RANBP2: variants seen among roughly 807,000 people sequenced by gnomAD.
The protein encoded by RANBP2 is RAN binding protein 2.
RANBP2 carries 57 observed loss-of-function variants against 303.6 expected under a neutral mutation model. The observed-to-expected ratio is 0.19, with a 90% confidence interval of 0.15 to 0.23. RANBP2 has a LOEUF of 0.23. Among genes scored for constraint, RANBP2 ranks in the 10% least tolerant of loss-of-function variants. RANBP2 has a pLI of 1.00. For synonymous variants in RANBP2, 1,167 were observed against 1,301.5 expected, an observed-to-expected ratio of 0.90 and a Z score of 2.23; for missense variants, 3,138 against 3,780.8, an observed-to-expected ratio of 0.83 and a Z score of 4.46.
At chr2:109,015,584 C>T in the RANBP2 span, among the ~76,000 whole-genome samples, 1 of 151,868 alleles carries the variant, frequency 6.6e-6, no homozygotes, top group African/African-American at 2.4e-5. Flanking sequence ...TTGGTGAAAC[C>T]CTGCCTTTAC....
chr2:109,045,495 G>A, the RANBP2 span, among the ~76,000 whole-genome samples: 1 of 152,150 alleles, frequency 6.6e-6, no homozygotes, highest in South Asian at 2.1e-4. Flanking sequence ...GAGACTGGAG[G>A]GTTAGGACAG....
At chr2:109,321,784 A>G in the RANBP2 span, among the ~76,000 whole-genome samples, 1 of 152,158 alleles carries the variant, frequency 6.6e-6, no homozygotes, top group Admixed American at 6.5e-5. Flanking sequence ...TGCTAGAGAG[A>G]TGTGTTCGCG....
chr2:109,415,673 C>A, the RANBP2 span, among the ~76,000 whole-genome samples: 2 of 152,158 alleles, frequency 1.3e-5, no homozygotes, highest in African/African-American at 4.8e-5. Flanking sequence ...AGAACACTCT[C>A]AGGAGGCCCC....
chr2:109,054,785 G>A, the RANBP2 span, among the ~76,000 whole-genome samples: 3 of 151,720 alleles, frequency 2.0e-5, no homozygotes, highest in East Asian at 1.9e-4. Context: ...GACGTGGAGC[G>A]TTCCCATCAC....
At chr2:109,085,465 C>T in the RANBP2 span, among the ~76,000 whole-genome samples, 14 of 147,086 alleles carry the variant, frequency 9.5e-5, no homozygotes, top group Middle Eastern at 3.9e-3. Flanking sequence ...CACCACGCCT[C>T]GCTAATTTTT....
chr2:109,713,910 C>A, the RANBP2 span, among the ~76,000 whole-genome samples: 4 of 152,200 alleles, frequency 2.6e-5, no homozygotes. Flanking sequence ...CCCCATACAG[C>A]AATTCTCCAG....
At chr2:109,574,631 G>A in the RANBP2 span, 1 of 1,605,344 alleles carries the variant, frequency 6.2e-7, no homozygotes, top group Non-Finnish European at 8.5e-7. Context: ...TTCAGAGAGT[G>A]GCCTGTCGGT....
chr2:108,767,243 A>G lies in RANBP2; in HGVS notation c.6704A>G (p.Asp2235Gly). The G allele has an allele frequency of 1.2e-6, 2 of 1,612,054 alleles. No individual in the cohort carries two copies. Among genetic ancestry groups the G allele is most frequent in the East Asian group, 2.2e-5 (1 of 44,886 alleles). ...TATGATTTAAGGGAAGATGCTTTGG[A>G]TGATAGTGTCAGTAGTAGCTCAGTA... Reference protein sequence around the residue: ...DNYDLREDALDDSVSSSSVHA... With the variant: ...DNYDLREDALGDSVSSSSVHA... Residue 2235 changes from aspartate to glycine, a missense_variant, in exon 20 of 29, where the codon GAT (aspartate) becomes GGT (glycine). Physicochemically the swap from Asp to Gly is moderately conservative, Grantham distance 94. Around this residue, in one of 20 missense-constraint regions of RANBP2, gnomAD observed 72 missense variants for 86.8 expected, o/e 0.83. Coordinates refer to ENST00000283195, the MANE Select transcript of RANBP2 (RefSeq NM_006267.5).
At chr2:108,984,265 C>A in the RANBP2 span, among the ~76,000 whole-genome samples, 1 of 152,094 alleles carries the variant, frequency 6.6e-6, no homozygotes, top group African/African-American at 2.4e-5. Flanking sequence ...TACTTGGAGA[C>A]CCAGCTCCTT....
chr2:109,221,083 A>G, the RANBP2 span, among the ~76,000 whole-genome samples: 3 of 152,258 alleles, frequency 2.0e-5, no homozygotes, highest in Non-Finnish European at 4.4e-5. Context: ...GAAAGAAATG[A>G]AGTTATGACA....
the RANBP2 span, among the ~76,000 whole-genome samples, chr2:109,303,799 G>C: frequency 6.6e-6 from 1 of 152,214 alleles, no homozygotes; most frequent in Non-Finnish European, 1.5e-5. Flanking sequence ...GGGTGAGTCT[G>C]TGAAGCCATC....
the RANBP2 span, among the ~76,000 whole-genome samples, chr2:109,414,477 G>T: frequency 3.4e-4 from 52 of 152,294 alleles, no homozygotes; most frequent in Admixed American, 7.8e-4. Context: ...GGTCAGAGCA[G>T]AAGTTCATGA....
At chr2:108,736,716 A>C (rs979134595) in intron 6 of RANBP2, among the ~76,000 whole-genome samples, 4 of 152,196 alleles carry the variant, frequency 2.6e-5, no homozygotes, top group African/African-American at 9.7e-5. Flanking sequence ...TATGTGATTT[A>C]CCTTTTTTCC....
At chr2:109,000,631 G>A in the RANBP2 span, among the ~76,000 whole-genome samples, 2 of 152,264 alleles carry the variant, frequency 1.3e-5, no homozygotes, top group South Asian at 4.1e-4. Context: ...TGGAAACTGG[G>A]GACGGCTTCT....
the RANBP2 span, among the ~76,000 whole-genome samples, chr2:109,122,433 C>T: frequency 6.6e-6 from 1 of 152,334 alleles, no homozygotes; most frequent in South Asian, 2.1e-4. Context: ...TGTCATCTGC[C>T]ATTGCTGAGG....
the RANBP2 span, among the ~76,000 whole-genome samples, chr2:109,136,236 C>A: frequency 6.6e-6 from 1 of 151,776 alleles, no homozygotes; most frequent in Non-Finnish European, 1.5e-5. Context: ...TAAAAAAAAA[C>A]ACACACATCA....
the RANBP2 span, among the ~76,000 whole-genome samples, chr2:109,092,895 T>C: frequency 6.6e-6 from 1 of 152,198 alleles, no homozygotes; most frequent in Non-Finnish European, 1.5e-5. Context: ...TATCACAGGA[T>C]AGAACGTGGA....
chr2:109,465,410 C>T, the RANBP2 span, among the ~76,000 whole-genome samples: 1 of 152,312 alleles, frequency 6.6e-6, no homozygotes, highest in East Asian at 1.9e-4. Context: ...TGCCAACTCT[C>T]TTCCAAAGTG....
chr2:109,635,274 C>G, the RANBP2 span, among the ~76,000 whole-genome samples: 2 of 152,136 alleles, frequency 1.3e-5, no homozygotes, highest in Non-Finnish European at 2.9e-5. Flanking sequence ...CCTCTGCCTC[C>G]CAGGTTCAAG....
Sources: allele counts gnomAD v4.1 joint callset (sites outside exome capture counted in the v4.1 genomes callset), GRCh38; gene constraint gnomAD v4.1.1; regional missense constraint gnomAD v4.1.1; transcripts MANE v1.5; gene names NCBI Gene and HGNC (gene_info 2026-07-23, HGNC 2026-07-21).